The following KIF1B variants were observed in gnomAD, a reference collection of about 807,000 sequenced individuals.
KIF1B encodes kinesin family member 1B, also known as kinesin-like protein KIF1B.
KIF1B carries 76 observed loss-of-function variants against 241.9 expected under a neutral mutation model. The observed-to-expected ratio is 0.31, with a 90% CI of 0.26 to 0.38. KIF1B has a LOEUF of 0.38. KIF1B is among the 10% of genes least tolerant of loss of function. KIF1B has a pLI of 1.00. For missense variants in KIF1B, 1,622 were observed against 2,271.4 expected, an observed-to-expected ratio of 0.71 and a Z score of 5.81; for synonymous variants, 750 against 796.7, an observed-to-expected ratio of 0.94 and a Z score of 0.99.
rs1166665302 is a variant in KIF1B at position 10,337,612 on chromosome 1, A to G, written c.3422+79A>G. 10 of 1,464,070 alleles carry G rather than the reference A, an allele frequency of 6.8e-6. No homozygotes were observed. The highest frequency in any genetic ancestry group is 7.6e-6 in the Non-Finnish European group (8 of 1,046,132). 90.7% of individuals were successfully genotyped at this position (1,464,070 alleles called of 1,614,324 possible). On this transcript the variant is annotated intron_variant, in intron 31 of 48. Coordinates refer to ENST00000676179, the MANE Select transcript of KIF1B (RefSeq NM_001365951.3). The surrounding 1 kb of genome is among the most constrained non-coding windows in gnomAD (Gnocchi z 4.0). ...TCTTGTGCACTGTAGAGTGCTTTAC[A>G]TGTGTGAGGGATTAACACTCTTGAG...
Position 10,228,363 on chromosome 1 carries a change from T to TA in KIF1B, c.-79-3877dup, listed in dbSNP as rs58072099. 4.6e-5 allele frequency among the ~76,000 whole-genome samples: 7 copies of TA among 150,812 alleles called. No homozygotes were observed. The East Asian group carries it at 7.8e-4, about 17-fold the overall frequency. On this transcript the variant is annotated intron_variant, in intron 1 of 48. Coordinates refer to ENST00000676179, the MANE Select transcript of KIF1B (RefSeq NM_001365951.3). Reference sequence around the variant, plus strand: ...ACCATTGATCTATTAATGAAGTTTTTAAAAAAAAAAGTATCGTAAGCTTAT... The same window carrying TA: ...ACCATTGATCTATTAATGAAGTTTTTAAAAAAAAAAAGTATCGTAAGCTTAT...
chr1:10,296,608 C>A lies in KIF1B; in HGVS notation c.1804C>A (p.Arg602Ser). Residue 602 changes from arginine to serine, a missense_variant, in exon 20 of 49, where the codon CGC (arginine) becomes AGC (serine). Arg to Ser is a moderately radical substitution (Grantham distance 110). Coordinates refer to ENST00000676179, the MANE Select transcript of KIF1B (RefSeq NM_001365951.3). ...TATCGTGACCTTAGAGCCCTGTGAG[C>A]GCTCAGAAACCTACGTAAATGGCAA... ...EVIVTLEPCERSETYVNGKRV... is the reference protein window; with the variant it reads ...EVIVTLEPCESSETYVNGKRV... 3 of 1,613,758 alleles carry A rather than the reference C, an allele frequency of 1.9e-6. No homozygotes were observed. The highest frequency in any genetic ancestry group is 2.5e-6 in the Non-Finnish European group (3 of 1,179,810).
rs1652232157 is a variant in KIF1B at position 10,337,681 on chromosome 1, C to CT, written c.3422+149dup. The CT allele has an allele frequency of 1.1e-6, 1 of 925,804 alleles. No homozygotes were observed. The highest frequency in any genetic ancestry group is 1.6e-6 in the Non-Finnish European group (1 of 608,524). The allele number at this position is 925,804 out of a possible 1,614,324, so 57.3% of individuals were successfully genotyped here. ...CTGAAGGAAAATACTTTCATCACTC[C>CT]TATGGGAGTGAGAACCAGAAACCTG... On this transcript the variant is annotated intron_variant, in intron 31 of 48. Transcript: ENST00000676179. This position sits in a 1 kb window ranked among gnomAD's most constrained non-coding sequence, Gnocchi z 4.0.
intron 5 of KIF1B, among the ~76,000 whole-genome samples, chr1:10,265,021 T>G (rs570867434): frequency 6.6e-6 from 1 of 151,692 alleles, no homozygotes; most frequent in Admixed American, 6.6e-5. Context: ...CAGACTGGAG[T>G]GCAGTGGTGC....
At chr1:10,304,637 C>G (rs1650734691) in intron 22 of KIF1B, 1 of 1,613,734 alleles carries the variant, frequency 6.2e-7, no homozygotes, top group Non-Finnish European at 8.5e-7. Flanking sequence ...GGTCGAGAAA[C>G]CACAGTATAA....
chr1:10,365,540 GATCTCAACCACT>G lies in KIF1B; in HGVS notation c.4646_4657del (p.Ile1549_Thr1552del). 1 of 1,614,108 alleles carries G rather than the reference GATCTCAACCACT, an allele frequency of 6.2e-7. No individual in the cohort carries two copies. Among genetic ancestry groups the G allele is most frequent in the Non-Finnish European group, 8.5e-7 (1 of 1,180,032 alleles). On this transcript the variant is annotated inframe_deletion, in exon 43 of 49. Transcript: ENST00000676179. The surrounding 1 kb of genome is among the most constrained non-coding windows in gnomAD (Gnocchi z 4.0). ...GCACCTCCACCAGTATCTCCTCTCA[GATCTCAACCACT>G]ACCTTTGAAAGCGCCATCACACCTA...
intron 33 of KIF1B, among the ~76,000 whole-genome samples, chr1:10,342,783 C>T (rs11804162): frequency 0.14 from 20,604 of 152,048 alleles, 1,508 homozygotes; most frequent in South Asian, 0.18. Context: ...CTTGAAAAAA[C>T]AGGGTTTATT....
At chr1:10,311,462 C>T (rs1025644953) in intron 22 of KIF1B, among the ~76,000 whole-genome samples, 1 of 151,316 alleles carries the variant, frequency 6.6e-6, no homozygotes, top group Non-Finnish European at 1.5e-5. Context: ...ATCCACCTGT[C>T]TCAGCCTCCC....
chr1:10,211,222 G>A (rs918665544), intron 1 of KIF1B, among the ~76,000 whole-genome samples: 6 of 152,356 alleles, frequency 3.9e-5, no homozygotes, highest in South Asian at 2.1e-4. Flanking sequence ...AGCCCGGGGG[G>A]CGGCTGTGCT....
intron 26 of KIF1B, among the ~76,000 whole-genome samples, chr1:10,325,311 A>G (rs1029739422): frequency 1.6e-4 from 24 of 152,158 alleles, no homozygotes; most frequent in African/African-American, 5.6e-4. Context: ...TAGTCATTGC[A>G]AGGGTAAATT....
In KIF1B at chr1:10,274,012, G is replaced by A. The variant is rs187176778; in HGVS notation, c.882+981G>A. On this transcript the variant is annotated intron_variant, in intron 10 of 48. Transcript: ENST00000676179. ...GGTACAGTGGCACGATCTCGGCTCA[G>A]TGCAACCTCCACCTTCTGGGTTCAA... 2.5e-4 allele frequency among the ~76,000 whole-genome samples: 36 copies of A among 146,892 alleles called. No individual in the cohort carries two copies. The East Asian group carries it at 7.0e-3, about 29-fold the overall frequency.
intron 37 of KIF1B, among the ~76,000 whole-genome samples, chr1:10,351,352 A>G (rs1159160581): frequency 6.6e-6 from 1 of 152,174 alleles, no homozygotes; most frequent in Non-Finnish European, 1.5e-5. Flanking sequence ...ATCCTATGAT[A>G]TATTTTTAGT....
intron 38 of KIF1B, among the ~76,000 whole-genome samples, chr1:10,359,360 C>A (rs924758620): frequency 1.3e-5 from 2 of 152,104 alleles, no homozygotes; most frequent in Non-Finnish European, 2.9e-5. Flanking sequence ...GATGGTGGGG[C>A]AGACCAGGCA....
intron 22 of KIF1B, among the ~76,000 whole-genome samples, chr1:10,309,912 T>C (rs1322255399): frequency 1.3e-5 from 2 of 151,336 alleles, no homozygotes; most frequent in Non-Finnish European, 2.9e-5. Context: ...TTGTTCCTTG[T>C]ATATGCCAAG....
Position 10,380,498 on chromosome 1 carries a change from A to G in KIF1B, c.*3911A>G, listed in dbSNP as rs1138791. Reference sequence around the variant, plus strand: ...AGGCAGGTGGATCACCTGAGGTCAGAAGTTTGAGACCAGCCTGGCCAACAT... The same window carrying G: ...AGGCAGGTGGATCACCTGAGGTCAGGAGTTTGAGACCAGCCTGGCCAACAT... On this transcript the variant is annotated 3_prime_UTR_variant, in exon 49 of 49. Coordinates refer to ENST00000676179, the MANE Select transcript of KIF1B (RefSeq NM_001365951.3). The G allele has an allele frequency of 0.36, 64,574 of 181,500 alleles. 11,614 individuals carry two copies. Among genetic ancestry groups the G allele is most frequent in the Admixed American group, 0.39 (6,178 of 15,952 alleles). The allele number at this position is 181,500 out of a possible 1,614,324, so 11.2% of individuals were successfully genotyped here. A position where few individuals can be genotyped will look rare whatever the true frequency, so the allele number is the denominator to read the frequency against.
chr1:10,354,872 G>A (rs547188301), intron 38 of KIF1B, among the ~76,000 whole-genome samples: 60 of 152,148 alleles, frequency 3.9e-4, no homozygotes, highest in Non-Finnish European at 8.2e-4. Context: ...GAGAACTTTC[G>A]TTCTGTTTGT....
chr1:10,261,852 T>G, intron 4 of KIF1B, 53 bp from the exon 5 acceptor site: 1 of 1,151,766 alleles, frequency 8.7e-7, no homozygotes, highest in East Asian at 2.3e-5. Flanking sequence ...CGTGGATGAC[T>G]TAGTACTCCT....
chr1:10,266,322 T>G (rs1648461443), intron 5 of KIF1B, among the ~76,000 whole-genome samples: 1 of 152,264 alleles, frequency 6.6e-6, no homozygotes. Context: ...GTTGGTTGTT[T>G]GGTGTGCATG....
chr1:10,265,082 C>G (rs1648376696), intron 5 of KIF1B, among the ~76,000 whole-genome samples: 1 of 152,130 alleles, frequency 6.6e-6, no homozygotes, highest in Non-Finnish European at 1.5e-5. Flanking sequence ...ATCGTCCTGC[C>G]TCAGCCTCCT....
Sources: gnomAD v4.1 joint callset for allele counts (sites outside exome capture counted in the v4.1 genomes callset) on GRCh38, gnomAD v4.1.1 for gene constraint, Gnocchi (gnomAD v3.1) non-coding constraint, MANE v1.5 for transcripts, NCBI Gene and HGNC (gene_info 2026-07-23, HGNC 2026-07-21) for gene names.